Variants in CAB39L observed in about 807,000 individuals in gnomAD.
CAB39L encodes calcium-binding protein 39-like.
A neutral mutation model predicts 39.1 loss-of-function variants in CAB39L; 23 were observed. That is an observed-to-expected ratio of 0.59 (90% confidence interval 0.42 to 0.83). CAB39L has a LOEUF of 0.83. CAB39L is among the 40% of genes least tolerant of loss of function. CAB39L has a pLI of 0.00. For missense variants in CAB39L, 366 were observed against 391.9 expected, an observed-to-expected ratio of 0.93 and a Z score of 0.56; for synonymous variants, 126 against 137.2, an observed-to-expected ratio of 0.92 and a Z score of 0.57.
At chr13:49,406,321 C>T (rs1175983172) in intron 3 of CAB39L, among the ~76,000 whole-genome samples, 5 of 148,142 alleles carry the variant, frequency 3.4e-5, no homozygotes, top group Non-Finnish European at 5.9e-5. Context: ...GCATCCGCCA[C>T]CATGCCCAGC....
intron 3 of CAB39L, among the ~76,000 whole-genome samples, chr13:49,430,364 C>T (rs1247331700): frequency 6.6e-6 from 1 of 152,068 alleles, no homozygotes; most frequent in Non-Finnish European, 1.5e-5. Context: ...GTAAACATTA[C>T]CTAAAAGAGA....
At chr13:49,314,738 A>G (rs1954106539) in intron 10 of CAB39L, among the ~76,000 whole-genome samples, 1 of 152,224 alleles carries the variant, frequency 6.6e-6, no homozygotes, top group Non-Finnish European at 1.5e-5. Flanking sequence ...TATTAGCTTT[A>G]TGATTTCACA....
chr13:49,390,784 A>C (rs1233491453), intron 3 of CAB39L, among the ~76,000 whole-genome samples: 2 of 152,208 alleles, frequency 1.3e-5, no homozygotes, highest in African/African-American at 4.8e-5. Flanking sequence ...TTAAAGACCA[A>C]GCCATGGAAA....
intron 3 of CAB39L, among the ~76,000 whole-genome samples, chr13:49,396,334 T>C (rs955852981): frequency 5.3e-5 from 8 of 152,136 alleles, no homozygotes; most frequent in Non-Finnish European, 8.8e-5. Flanking sequence ...AATGATTTCT[T>C]AAGAGCTTGT....
chr13:49,407,107 T>C (rs1414896798), intron 3 of CAB39L, among the ~76,000 whole-genome samples: 6 of 149,556 alleles, frequency 4.0e-5, no homozygotes, highest in Non-Finnish European at 7.4e-5. Flanking sequence ...TTCAATGGAG[T>C]TGTCTCAACT....
chr13:49,377,205 CA>C, intron 4 of CAB39L, 74 bp from the exon 5 acceptor site: 1 of 1,243,158 alleles, frequency 8.0e-7, no homozygotes, highest in Non-Finnish European at 1.1e-6. Flanking sequence ...ACAAATAATC[CA>C]AAAAACCACT....
chr13:49,346,093 T>A (rs1955152222), intron 7 of CAB39L, among the ~76,000 whole-genome samples: 1 of 67,600 alleles, frequency 1.5e-5, no homozygotes, highest in Non-Finnish European at 2.8e-5. Context: ...TATATATATA[T>A]ATGCTAGATA....
At chr13:49,412,571 C>T (rs998958478) in intron 3 of CAB39L, among the ~76,000 whole-genome samples, 1 of 152,088 alleles carries the variant, frequency 6.6e-6, no homozygotes, top group Non-Finnish European at 1.5e-5. Context: ...TTTGGATATG[C>T]ATTGGATACC....
intron 3 of CAB39L, among the ~76,000 whole-genome samples, chr13:49,384,480 T>C (rs909898223): frequency 1.6e-4 from 24 of 152,326 alleles, no homozygotes; most frequent in African/African-American, 5.0e-4. Context: ...TCACAAATGT[T>C]CTTAATGGCA....
intron 10 of CAB39L, among the ~76,000 whole-genome samples, chr13:49,311,534 G>A (rs1207300899): frequency 2.0e-5 from 3 of 152,220 alleles, no homozygotes; most frequent in African/African-American, 7.2e-5. Context: ...AGAAGGCACT[G>A]TTATCGTAGG....
At chr13:49,324,515 G>A (rs1954443513) in intron 10 of CAB39L, among the ~76,000 whole-genome samples, 1 of 152,116 alleles carries the variant, frequency 6.6e-6, no homozygotes, top group Non-Finnish European at 1.5e-5. Context: ...AAATACAAAG[G>A]TCTGGCAAAG....
At chr13:49,408,090 G>A (rs890187396) in intron 3 of CAB39L, among the ~76,000 whole-genome samples, 2 of 152,098 alleles carry the variant, frequency 1.3e-5, no homozygotes, top group African/African-American at 2.4e-5. Context: ...AGAAACAGTA[G>A]GTGATGAAAT....
intron 7 of CAB39L, among the ~76,000 whole-genome samples, chr13:49,345,530 G>C (rs890496880): frequency 6.6e-6 from 1 of 152,098 alleles, no homozygotes; most frequent in Non-Finnish European, 1.5e-5. Flanking sequence ...CCCCGTCAAA[G>C]GTCTTGATTC....
At chr13:49,393,380 T>G (rs1333343392) in intron 3 of CAB39L, among the ~76,000 whole-genome samples, 1 of 152,066 alleles carries the variant, frequency 6.6e-6, no homozygotes, top group Non-Finnish European at 1.5e-5. Flanking sequence ...GGATAATTAC[T>G]CTTCCTGAAA....
At chr13:49,415,986 ATTGTGTTTT>A (rs1229563791) in intron 3 of CAB39L, among the ~76,000 whole-genome samples, 24 of 152,238 alleles carry the variant, frequency 1.6e-4, no homozygotes, top group African/African-American at 3.9e-4. Context: ...TTTGGTTTTC[ATTGTGTTTT>A]TTGTCCTACA....
chr13:49,325,526 C>T (rs1242652920), intron 10 of CAB39L, among the ~76,000 whole-genome samples: 2 of 152,056 alleles, frequency 1.3e-5, no homozygotes, highest in African/African-American at 2.4e-5. Flanking sequence ...TGGTGGCTCA[C>T]GCCTGTAATC....
intron 3 of CAB39L, among the ~76,000 whole-genome samples, chr13:49,415,130 G>A (rs1296613016): frequency 1.3e-5 from 2 of 152,084 alleles, no homozygotes; most frequent in Non-Finnish European, 2.9e-5. Flanking sequence ...CTGGGAAGTC[G>A]AGGCTGCAGT....
intron 5 of CAB39L, among the ~76,000 whole-genome samples, chr13:49,360,975 C>T (rs1406216729): frequency 6.6e-6 from 1 of 152,154 alleles, no homozygotes; most frequent in African/African-American, 2.4e-5. Flanking sequence ...AGTGTGAGAA[C>T]ATACTAATAC....
chr13:49,327,023 TTTTG>T (rs1380026312), intron 10 of CAB39L, among the ~76,000 whole-genome samples: 1 of 152,220 alleles, frequency 6.6e-6, no homozygotes, highest in Non-Finnish European at 1.5e-5. Context: ...AGCACTCTAT[TTTTG>T]TTTCATTCTT....
Sources: gnomAD v4.1 joint callset for allele counts (sites outside exome capture counted in the v4.1 genomes callset) on GRCh38, gnomAD v4.1.1 for gene constraint, MANE v1.5 for transcripts, NCBI Gene and HGNC (gene_info 2026-07-23, HGNC 2026-07-21) for gene names.